COL26A1: variants seen among roughly 807,000 people sequenced by gnomAD.
COL26A1 encodes collagen alpha-1(XXVI) chain.
In COL26A1, 41 loss-of-function variants were observed where a neutral mutation model predicts 59.3. That is an observed-to-expected ratio of 0.69 (90% confidence interval 0.54 to 0.90). The LOEUF (loss-of-function observed/expected upper bound fraction) is 0.90. Among genes scored for constraint, COL26A1 ranks in the 40% least tolerant of loss-of-function variants. The pLI is 0.00. For synonymous variants in COL26A1, 266 were observed against 256.0 expected (o/e 1.04, Z -0.37); for missense variants, 612 against 602.3 (o/e 1.02, Z -0.17).
At chr7:101,497,656 A>T (rs572886725) in intron 3 of COL26A1, among the ~76,000 whole-genome samples, 1 of 151,968 alleles carries the variant, frequency 6.6e-6, no homozygotes, top group Non-Finnish European at 1.5e-5. Flanking sequence ...AGCCTCGGCA[A>T]CAGAGCAAGA....
At chr7:101,428,184 C>T (rs926984540) in intron 2 of COL26A1, among the ~76,000 whole-genome samples, 38 of 151,762 alleles carry the variant, frequency 2.5e-4, no homozygotes, top group Non-Finnish European at 7.4e-5. Flanking sequence ...ATAGTGAGAC[C>T]CTGTCTCTAC....
rs752251388 is a variant in COL26A1, at chr7:101,413,606, TC to T, written c.159-6369del. On this transcript the variant is annotated intron_variant, in intron 1 of 12. Coordinates refer to ENST00000313669, the MANE Select transcript of COL26A1 (RefSeq NM_001278563.3). ...AAAAGGAGACTTGTTTGGGAGCAGA[TC>T]CGTCCTCAAGACCTTTGCTAGGAGT... Among the ~76,000 whole-genome samples the T allele has an allele frequency of 1.8e-4, 28 of 152,224 alleles. No individual in the cohort carries two copies. In the South Asian group the frequency reaches 2.7e-3, roughly 15 times the overall value.
intron 3 of COL26A1, among the ~76,000 whole-genome samples, chr7:101,454,615 T>G (rs534869799): frequency 2.0e-5 from 3 of 152,226 alleles, no homozygotes; most frequent in Admixed American, 1.3e-4. Context: ...TCTGCCTTTT[T>G]GGGGGTGGTT....
At chr7:101,399,504 A>G (rs1412025388) in intron 1 of COL26A1, among the ~76,000 whole-genome samples, 1 of 152,080 alleles carries the variant, frequency 6.6e-6, no homozygotes, top group African/African-American at 2.4e-5. Flanking sequence ...TTGTATTTTT[A>G]GTAGATATGG....
At chr7:101,544,529 T>C (rs1229277690) in intron 6 of COL26A1, among the ~76,000 whole-genome samples, 2 of 31,912 alleles carry the variant, frequency 6.3e-5, no homozygotes, top group East Asian at 2.8e-4. Context: ...CTCACCTGGC[T>C]TTTTTTTTTT....
At chr7:101,439,544 A>T (rs1792998161) in intron 2 of COL26A1, among the ~76,000 whole-genome samples, 1 of 96,210 alleles carries the variant, frequency 1.0e-5, no homozygotes, top group Non-Finnish European at 2.4e-5. Flanking sequence ...ACAGGGTGAG[A>T]CTCCGTCTGA....
chr7:101,369,598 G>T (rs1236540431), intron 1 of COL26A1, among the ~76,000 whole-genome samples: 1 of 150,312 alleles, frequency 6.7e-6, no homozygotes, highest in Admixed American at 6.6e-5. Context: ...ATAATCACCC[G>T]CCACCACACC....
At chr7:101,483,990 AGT>A (rs55863250) in intron 3 of COL26A1, among the ~76,000 whole-genome samples, 9,613 of 127,780 alleles carry the variant, frequency 0.075, 328 homozygotes, top group Admixed American at 0.091. Flanking sequence ...AACTTTTTAA[AGT>A]GTGTGTGTGT....
At position 101,362,896 on chromosome 7, in the gene COL26A1, C is replaced by T. The variant is rs559894620; in HGVS notation, c.-137C>T. 12 of 866,360 alleles carry T rather than the reference C, an allele frequency of 1.4e-5. 1 individual carries two copies. In the Admixed American group the frequency reaches 2.2e-4, roughly 16 times the overall value. 53.7% of individuals were successfully genotyped at this position (866,360 alleles called of 1,614,324 possible). A position where few individuals can be genotyped will look rare whatever the true frequency, so the allele number is the denominator to read the frequency against. On this transcript the variant is annotated 5_prime_UTR_variant, in exon 1 of 13. Coordinates refer to ENST00000313669, the MANE Select transcript of COL26A1 (RefSeq NM_001278563.3). ...GGGCGCCCCCCACACATTTCCAGCT[C>T]GCACCCGGGCTCCGACCGCTCGCCC... is the stretch of plus-strand genomic sequence containing the variant.
At chr7:101,486,520 C>T (rs973739602) in intron 3 of COL26A1, among the ~76,000 whole-genome samples, 1 of 152,254 alleles carries the variant, frequency 6.6e-6, no homozygotes, top group African/African-American at 2.4e-5. Context: ...CTCACCCGCC[C>T]GCCCTGGCCC....
intron 3 of COL26A1, among the ~76,000 whole-genome samples, chr7:101,511,672 CA>C (rs1407262810): frequency 6.6e-6 from 1 of 152,200 alleles, no homozygotes; most frequent in Non-Finnish European, 1.5e-5. Context: ...TGCAACCTTA[CA>C]AAAAGGGGCC....
intron 1 of COL26A1, among the ~76,000 whole-genome samples, chr7:101,399,756 G>A (rs546325111): frequency 3.3e-5 from 5 of 152,272 alleles, no homozygotes; most frequent in Admixed American, 1.3e-4. Flanking sequence ...ATTGTGCCCC[G>A]CCTTCATTCT....
At chr7:101,439,520 C>G (rs1334815900) in intron 2 of COL26A1, among the ~76,000 whole-genome samples, 4 of 121,338 alleles carry the variant, frequency 3.3e-5, no homozygotes, top group African/African-American at 1.2e-4. Flanking sequence ...TGCCACTGCA[C>G]TCCAGCCTGG....
chr7:101,487,312 C>T (rs959690611), intron 3 of COL26A1, among the ~76,000 whole-genome samples: 6 of 151,990 alleles, frequency 3.9e-5, no homozygotes, highest in African/African-American at 1.5e-4. Flanking sequence ...CCAGCTTTAC[C>T]CTTTGCTCAT....
At chr7:101,488,153 G>T (rs1316599436) in intron 3 of COL26A1, among the ~76,000 whole-genome samples, 1 of 150,622 alleles carries the variant, frequency 6.6e-6, no homozygotes, top group African/African-American at 2.4e-5. Context: ...GTGGTGGCGG[G>T]TGCCTGTAAT....
rs979217476 is a variant in COL26A1 at position 101,432,003 on chromosome 7, C to T, written c.281+11904C>T. Among the ~76,000 whole-genome samples the T allele has an allele frequency of 8.4e-5, 12 of 142,342 alleles. No individual in the cohort carries two copies. The East Asian group carries it at 1.8e-3, about 22-fold the overall frequency. The allele number at this position is 142,342 out of a possible 152,430, so 93.4% of individuals were successfully genotyped here. A position where few individuals can be genotyped will look rare whatever the true frequency, so the allele number is the denominator to read the frequency against. On this transcript the variant is annotated intron_variant, in intron 2 of 12. Transcript: ENST00000313669. ...TTTTTTGGAGACGAAGTTTTGCTCT[C>T]GTTGCCCAGGCTGTGAGTGCAATCT...
intron 1 of COL26A1, among the ~76,000 whole-genome samples, chr7:101,410,598 G>C (rs1172585526): frequency 6.6e-6 from 1 of 152,084 alleles, no homozygotes; most frequent in African/African-American, 2.4e-5. Flanking sequence ...TCTTATGATT[G>C]AGTTCTCCCG....
chr7:101,507,485 GAT>G (rs1794835839), intron 3 of COL26A1, among the ~76,000 whole-genome samples: 1 of 150,924 alleles, frequency 6.6e-6, no homozygotes. Flanking sequence ...GCAGTGGTGT[GAT>G]CACAGTTCAC....
At chr7:101,434,169 CCCTT>C (rs550960372) in intron 2 of COL26A1, among the ~76,000 whole-genome samples, 2 of 39,274 alleles carry the variant, frequency 5.1e-5, no homozygotes, top group African/African-American at 2.5e-4. Flanking sequence ...TCTTTCTCTC[CCCTT>C]CCTTCCTTCC....
Sources: allele counts gnomAD v4.1 joint callset (sites outside exome capture counted in the v4.1 genomes callset), GRCh38; gene constraint gnomAD v4.1.1; transcripts MANE v1.5; gene names NCBI Gene and HGNC (gene_info 2026-07-23, HGNC 2026-07-21).